The following SLC4A4 variants were observed in gnomAD, a reference collection of about 807,000 sequenced individuals.
The protein encoded by SLC4A4 is solute carrier family 4 member 4.
Under a neutral mutation model 111.5 loss-of-function variants are expected in SLC4A4, and 27 were observed. The observed-to-expected ratio is 0.24, with a 90% CI of 0.18 to 0.33. The LOEUF (loss-of-function observed/expected upper bound fraction) is 0.33. SLC4A4 is among the 10% of genes least tolerant of loss of function. The pLI is 1.00. For synonymous variants in SLC4A4, 443 were observed against 463.4 expected, an observed-to-expected ratio of 0.96 and a Z score of 0.57; for missense variants, 909 against 1,315.5, an observed-to-expected ratio of 0.69 and a Z score of 4.78.
At chr4:71,533,927 T>C (rs2149213123) in intron 17 of SLC4A4, among the ~76,000 whole-genome samples, 1 of 152,210 alleles carries the variant, frequency 6.6e-6, no homozygotes, top group African/African-American at 2.4e-5. Context: ...CTCTTTAAAC[T>C]TAAATCAGTT....
At chr4:71,189,731 G>C (rs1745648576) in intron 1 of SLC4A4, among the ~76,000 whole-genome samples, 1 of 152,224 alleles carries the variant, frequency 6.6e-6, no homozygotes, top group African/African-American at 2.4e-5. Flanking sequence ...GCTATTGTTA[G>C]AGGAGAAGCG....
chr4:71,132,304 G>C (rs1743727279), intron 2 of SLC4A4, among the ~76,000 whole-genome samples: 1 of 152,058 alleles, frequency 6.6e-6, no homozygotes, highest in Non-Finnish European at 1.5e-5. Flanking sequence ...GACACATGTT[G>C]ACGGGGGCTC....
At chr4:71,204,222 T>C (rs1717603947) in intron 1 of SLC4A4, among the ~76,000 whole-genome samples, 1 of 152,224 alleles carries the variant, frequency 6.6e-6, no homozygotes, top group South Asian at 2.1e-4. Context: ...AAATTGATGA[T>C]GATTTTTAGC....
At chr4:71,381,024 G>T (rs1718089414) in intron 6 of SLC4A4, among the ~76,000 whole-genome samples, 1 of 152,138 alleles carries the variant, frequency 6.6e-6, no homozygotes, top group African/African-American at 2.4e-5. Flanking sequence ...ATCAATCCCA[G>T]GAAACAGCTG....
intron 21 of SLC4A4, 90 bp from the exon 22 acceptor site, chr4:71,557,622 T>C: frequency 7.4e-7 from 1 of 1,345,988 alleles, no homozygotes; most frequent in Non-Finnish European, 1.1e-6. Context: ...CTTGCCTAAA[T>C]TATAGAATAT....
At chr4:71,480,089 A>G (rs958683428) in intron 14 of SLC4A4, among the ~76,000 whole-genome samples, 3 of 148,630 alleles carry the variant, frequency 2.0e-5, no homozygotes, top group Non-Finnish European at 3.0e-5. Flanking sequence ...TGGCATGATC[A>G]TAGCTCAGTG....
chr4:71,102,347 G>A (rs1292218032), intron 2 of SLC4A4, among the ~76,000 whole-genome samples: 2 of 150,218 alleles, frequency 1.3e-5, no homozygotes, highest in African/African-American at 2.5e-5. Flanking sequence ...AAAACACTCT[G>A]CAGGATATTA....
chr4:71,200,134 G>A (rs1046049229), intron 1 of SLC4A4, among the ~76,000 whole-genome samples: 3 of 152,160 alleles, frequency 2.0e-5, no homozygotes, highest in African/African-American at 7.2e-5. Flanking sequence ...GGCTTGGGGA[G>A]CAGGGGTGGG....
At chr4:71,266,670 G>A (rs1722285280) in intron 3 of SLC4A4, among the ~76,000 whole-genome samples, 1 of 151,932 alleles carries the variant, frequency 6.6e-6, no homozygotes, top group Non-Finnish European at 1.5e-5. Context: ...ATTGAGATAC[G>A]ATCTATTTGT....
chr4:71,323,503 A>G (rs1727275041), intron 3 of SLC4A4, among the ~76,000 whole-genome samples: 2 of 152,048 alleles, frequency 1.3e-5, no homozygotes, highest in Non-Finnish European at 2.9e-5. Context: ...CACAACAACT[A>G]GAAGTAATGA....
At chr4:71,075,010 G>C (rs1369580240) in intron 1 of SLC4A4, among the ~76,000 whole-genome samples, 2 of 151,942 alleles carry the variant, frequency 1.3e-5, no homozygotes, top group African/African-American at 4.8e-5. Context: ...ATATAACAAG[G>C]CTTAATTCAG....
intron 12 of SLC4A4, among the ~76,000 whole-genome samples, chr4:71,462,801 T>A (rs1282786692): frequency 6.6e-6 from 1 of 152,184 alleles, no homozygotes; most frequent in Non-Finnish European, 1.5e-5. Context: ...GCACCTTACA[T>A]ACATTATCTA....
At position 71,231,249 on chromosome 4, in the gene SLC4A4, C is replaced by T. The variant is rs903966927; in HGVS notation, c.-1-5327C>T. Among the ~76,000 whole-genome samples, 22 of 152,322 alleles carry T rather than the reference C, an allele frequency of 1.4e-4. 1 individual carries two copies. The East Asian group carries it at 4.2e-3, about 29-fold the overall frequency. The stretch of plus-strand genomic sequence containing the variant: ...CACGTGCTGACTGGCTGAGTGGCAG[C>T]TGCTTGCGCTGTGCGGACTAGCTGG... On this transcript the variant is annotated intron_variant, in intron 1 of 25. Transcript: ENST00000264485.
intron 1 of SLC4A4, among the ~76,000 whole-genome samples, chr4:71,072,725 CT>C (rs1035578147): frequency 7.3e-5 from 11 of 151,416 alleles, no homozygotes; most frequent in East Asian, 5.8e-4. Context: ...TATTTTGGTC[CT>C]TTTTTTTGTT....
At chr4:71,463,721 G>A (rs181590262) in intron 12 of SLC4A4, among the ~76,000 whole-genome samples, 79 of 152,264 alleles carry the variant, frequency 5.2e-4, no homozygotes, top group East Asian at 9.7e-4. Context: ...GGAACCTAGA[G>A]TGTCATTTGG....
chr4:71,137,358 A>G (rs1244643965), intron 2 of SLC4A4, among the ~76,000 whole-genome samples: 1 of 152,208 alleles, frequency 6.6e-6, no homozygotes, highest in East Asian at 1.9e-4. Flanking sequence ...TTGATCACTT[A>G]TCTATCTAGA....
At chr4:71,200,190 A>C (rs1746185947) in intron 1 of SLC4A4, among the ~76,000 whole-genome samples, 1 of 152,182 alleles carries the variant, frequency 6.6e-6, no homozygotes, top group Non-Finnish European at 1.5e-5. Context: ...CTGTGGAATC[A>C]AGGAAGAGGA....
intron 6 of SLC4A4, among the ~76,000 whole-genome samples, chr4:71,366,625 A>G (rs181184109): frequency 6.6e-6 from 1 of 152,328 alleles, no homozygotes; most frequent in Admixed American, 6.5e-5. Flanking sequence ...TATGTAAGAT[A>G]ATAGCAAGGC....
intron 1 of SLC4A4, among the ~76,000 whole-genome samples, chr4:71,063,955 T>C (rs1741450521): frequency 6.9e-6 from 1 of 145,804 alleles, no homozygotes; most frequent in Non-Finnish European, 1.5e-5. Flanking sequence ...GCTTTATTGT[T>C]TGCAAAGTGC....
Sources: gnomAD v4.1 joint callset for allele counts (sites outside exome capture counted in the v4.1 genomes callset) on GRCh38, gnomAD v4.1.1 for gene constraint, MANE v1.5 for transcripts, NCBI Gene and HGNC (gene_info 2026-07-23, HGNC 2026-07-21) for gene names.